GALNTL6: variants seen among roughly 807,000 people sequenced by gnomAD.
GALNTL6 encodes the protein polypeptide N-acetylgalactosaminyltransferase like 6.
GALNTL6 carries 46 observed loss-of-function variants against 73.7 expected under a neutral mutation model. That is an observed-to-expected ratio of 0.62 (90% CI 0.49 to 0.80). The LOEUF (loss-of-function observed/expected upper bound fraction) is 0.80. GALNTL6 is among the 30% of genes least tolerant of loss of function. The pLI is 0.00. For missense variants in GALNTL6, 604 were observed against 755.0 expected (o/e 0.80, Z 2.34); for synonymous variants, 259 against 263.7 (o/e 0.98, Z 0.17).
intron 5 of GALNTL6, among the ~76,000 whole-genome samples, chr4:172,600,477 G>A (rs891899615): frequency 3.3e-5 from 5 of 152,052 alleles, no homozygotes; most frequent in Non-Finnish European, 7.4e-5. Flanking sequence ...TATGGTGACT[G>A]GTATTTGAGT....
intron 5 of GALNTL6, among the ~76,000 whole-genome samples, chr4:172,466,886 G>T (rs1413848760): frequency 1.3e-5 from 2 of 151,742 alleles, no homozygotes; most frequent in Non-Finnish European, 2.9e-5. Context: ...CCTCTGAAAG[G>T]TTTCGAATCT....
chr4:172,130,172 C>T (rs1579167010), intron 2 of GALNTL6, among the ~76,000 whole-genome samples: 1 of 131,606 alleles, frequency 7.6e-6, no homozygotes, highest in African/African-American at 2.9e-5. Flanking sequence ...GGGTAGATCT[C>T]ATTACAGAAT....
intron 5 of GALNTL6, among the ~76,000 whole-genome samples, chr4:172,709,588 G>A (rs532396978): frequency 6.6e-6 from 1 of 152,222 alleles, no homozygotes; most frequent in South Asian, 2.1e-4. Flanking sequence ...ATTCTCTGAA[G>A]TGCCTGAGCT....
chr4:172,322,531 G>C (rs767639141), intron 4 of GALNTL6, among the ~76,000 whole-genome samples: 1 of 152,126 alleles, frequency 6.6e-6, no homozygotes, highest in Non-Finnish European at 1.5e-5. Context: ...ATTGCCTCAT[G>C]GTTCTGCAGG....
intron 5 of GALNTL6, among the ~76,000 whole-genome samples, chr4:172,443,533 TCTTGG>T (rs1371967905): frequency 6.6e-6 from 1 of 152,130 alleles, no homozygotes; most frequent in Non-Finnish European, 1.5e-5. Flanking sequence ...AAAATCCTGT[TCTTGG>T]CTTTCTTGTA....
intron 9 of GALNTL6, among the ~76,000 whole-genome samples, chr4:172,937,994 T>C (rs1339172125): frequency 6.6e-6 from 1 of 152,232 alleles, no homozygotes; most frequent in African/African-American, 2.4e-5. Context: ...CTAATCTACA[T>C]ACAAGTTACA....
chr4:173,039,935 C>A lies in GALNTL6; in HGVS notation c.1641C>A (p.Asp547Glu). Residue 547 changes from aspartate (D) to glutamate (E), a missense_variant and splice_region_variant, in exon 13 of 13, where the codon GAC becomes GAA. This residue lies in a region of GALNTL6 where 261 missense variants were observed against 296.5 expected (regional missense o/e 0.88). Coordinates refer to ENST00000506823, the MANE Select transcript of GALNTL6 (RefSeq NM_001034845.3). ...KGNQLWGYRK[D>E]RTLFHPVSNS... ...TCTTTTCTTCCTCACTCCTCCAGGA[C>A]AGAACATTATTCCATCCTGTGAGCA... 1 of 1,611,838 alleles carries A rather than the reference C, an allele frequency of 6.2e-7. No individual in the cohort carries two copies. The highest frequency in any genetic ancestry group is 8.5e-7 in the Non-Finnish European group (1 of 1,179,036).
chr4:172,254,490 C>A (rs1738004854), intron 3 of GALNTL6, among the ~76,000 whole-genome samples: 1 of 148,308 alleles, frequency 6.7e-6, no homozygotes, highest in East Asian at 2.0e-4. Context: ...CACACACACT[C>A]CACTCCCACA....
rs1733142076 is a variant in GALNTL6 at position 172,121,257 on chromosome 4, T to TGTGTGTG, written c.139-108399_139-108398insGTGTGTG. Among the ~76,000 whole-genome samples, 3 of 142,372 alleles carry TGTGTGTG rather than the reference T, an allele frequency of 2.1e-5. No homozygotes were observed. In the South Asian group the frequency reaches 7.3e-4, roughly 35 times the overall value. 93.4% of individuals were successfully genotyped at this position (142,372 alleles called of 152,430 possible). On this transcript the variant is annotated intron_variant, in intron 2 of 12. Transcript: ENST00000506823. ...GCTTGGCAGATGTTCTCAAGAAGCA[T>TGTGTGTG]TGTGTGTGTGTGTGTGTGTGTGTGT...
intron 2 of GALNTL6, among the ~76,000 whole-genome samples, chr4:172,050,803 C>G (rs1028736540): frequency 1.3e-5 from 2 of 152,032 alleles, no homozygotes; most frequent in African/African-American, 4.8e-5. Context: ...TTTGGGTGGG[C>G]CTACAGGCCA....
chr4:172,188,782 G>A (rs975620810), intron 2 of GALNTL6, among the ~76,000 whole-genome samples: 1 of 152,162 alleles, frequency 6.6e-6, no homozygotes, highest in Admixed American at 6.5e-5. Flanking sequence ...AGGAGCAGCA[G>A]CAGGAAGCTC....
intron 2 of GALNTL6, among the ~76,000 whole-genome samples, chr4:171,879,593 A>C (rs1425480298): frequency 1.3e-5 from 2 of 152,220 alleles, no homozygotes; most frequent in Admixed American, 1.3e-4. Flanking sequence ...AGTTTGTTCA[A>C]TAAACAAACA....
rs542723849 is a variant in GALNTL6 at position 172,494,510 on chromosome 4, G to A, written c.553+145821G>A. On this transcript the variant is annotated intron_variant, in intron 5 of 12. Coordinates refer to ENST00000506823, the MANE Select transcript of GALNTL6 (RefSeq NM_001034845.3). ...AGGATAGATGAATATATGAAGGGGA[G>A]TTTATTGAGTATTGACTCACATGGT... Among the ~76,000 whole-genome samples the A allele has an allele frequency of 3.0e-3, 464 of 152,314 alleles. 2 individuals carry two copies. Among genetic ancestry groups the A allele is most frequent in the African/African-American group, 0.01 (430 of 41,578 alleles).
intron 5 of GALNTL6, among the ~76,000 whole-genome samples, chr4:172,773,263 G>C (rs564485457): frequency 5.1e-4 from 78 of 152,144 alleles, no homozygotes; most frequent in Middle Eastern, 3.4e-3. Context: ...ACAGTGGCAC[G>C]ATCATAGCGT....
chr4:172,145,125 T>TTTA (rs1230568783), intron 2 of GALNTL6, among the ~76,000 whole-genome samples: 1 of 151,684 alleles, frequency 6.6e-6, no homozygotes, highest in Admixed American at 6.6e-5. Flanking sequence ...ACCCAGTTAA[T>TTTA]TTATTATTAT....
At chr4:172,285,613 A>T (rs1014945018) in intron 3 of GALNTL6, among the ~76,000 whole-genome samples, 1 of 152,174 alleles carries the variant, frequency 6.6e-6, no homozygotes, top group Non-Finnish European at 1.5e-5. Context: ...TTGCTAAATG[A>T]CAGGACTATT....
chr4:172,397,964 C>G (rs542418361), intron 5 of GALNTL6, among the ~76,000 whole-genome samples: 1 of 151,802 alleles, frequency 6.6e-6, no homozygotes, highest in African/African-American at 2.4e-5. Flanking sequence ...CTTTTGGATT[C>G]TTCTGTCCTT....
intron 5 of GALNTL6, among the ~76,000 whole-genome samples, chr4:172,719,054 G>T (rs115882162): frequency 6.6e-6 from 1 of 152,046 alleles, no homozygotes; most frequent in Non-Finnish European, 1.5e-5. Flanking sequence ...CCTTTCTTTC[G>T]AAAGACATCA....
At chr4:172,582,116 T>A (rs1175508073) in intron 5 of GALNTL6, among the ~76,000 whole-genome samples, 1 of 152,158 alleles carries the variant, frequency 6.6e-6, no homozygotes, top group East Asian at 1.9e-4. Context: ...GACCCAGAAG[T>A]GCACAAAAAG....
Sources: gnomAD v4.1 joint callset for allele counts (sites outside exome capture counted in the v4.1 genomes callset) on GRCh38, gnomAD v4.1.1 for gene constraint, gnomAD v4.1.1 regional missense constraint, MANE v1.5 for transcripts, NCBI Gene and HGNC (gene_info 2026-07-23, HGNC 2026-07-21) for gene names.